Variants in NCOA4 observed in about 807,000 individuals in gnomAD.
The protein encoded by NCOA4 is 70 kDa AR-activator.
NCOA4 carries 31 observed loss-of-function variants against 69.5 expected under a neutral mutation model. The ratio of observed to expected loss-of-function variants is 0.45; its 90% CI spans 0.34 to 0.60. The LOEUF is 0.60. NCOA4 is among the 20% of genes least tolerant of loss of function. The pLI is 0.02. For synonymous variants in NCOA4, 228 were observed against 252.4 expected, an observed-to-expected ratio of 0.90 and a Z score of 0.92; for missense variants, 600 against 719.2, an observed-to-expected ratio of 0.83 and a Z score of 1.90.
intron 9 of NCOA4, chr10:46,009,064 T>C (rs1255056653): frequency 9.9e-6 from 11 of 1,106,262 alleles, no homozygotes; most frequent in African/African-American, 7.9e-5. Context: ...ACCAAAGTAT[T>C]TGTGTAGCTC....
chr10:46,010,140 C>G, intron 8 of NCOA4, 83 bp downstream of exon 8: 1 of 1,481,530 alleles, frequency 6.7e-7, no homozygotes, highest in Non-Finnish European at 8.9e-7. Flanking sequence ...TGCACTCCAG[C>G]CTGAGTGACA....
Position 46,016,648 on chromosome 10 carries a change from G to A in NCOA4, c.33C>T (p.Ser11=). The change falls in exon 2 of 10, where the codon TCC becomes TCT. Residue 11 remains serine, a synonymous_variant. Transcript: ENST00000581486. MNTFQDQSGS[S]SNREPLLRCS... is the part of the protein sequence containing the mutation. Reference sequence around the variant, plus strand: ...ACCTCAAAAGGGGTTCTCTATTACTGGAGCTGCCACTCTGGTCTTGGAAGG... The same window carrying A: ...ACCTCAAAAGGGGTTCTCTATTACTAGAGCTGCCACTCTGGTCTTGGAAGG... 6.5e-7 allele frequency: 1 copy of A among 1,529,748 alleles called. No individual in the cohort carries two copies. The highest frequency in any genetic ancestry group is 8.9e-7 in the Non-Finnish European group (1 of 1,128,234). The allele number at this position is 1,529,748 out of a possible 1,614,324, so 94.8% of individuals were successfully genotyped here.
At chr10:46,009,213 CTAGT>C (rs1289800614) in intron 9 of NCOA4, 194 bp downstream of exon 9, 33 of 1,548,684 alleles carry the variant, frequency 2.1e-5, no homozygotes, top group Middle Eastern at 1.7e-4. Flanking sequence ...TGAAGTATGC[CTAGT>C]TAGTTAATAA....
chr10:46,013,390 T>G (rs1839349951), intron 6 of NCOA4, among the ~76,000 whole-genome samples, 160 bp downstream of exon 6: 1 of 152,218 alleles, frequency 6.6e-6, no homozygotes, highest in African/African-American at 2.4e-5. Context: ...TAAATTTCTA[T>G]TTGGCATTAG....
intron 5 of NCOA4, among the ~76,000 whole-genome samples, chr10:46,014,165 T>G (rs1163807451): frequency 6.6e-6 from 1 of 152,088 alleles, no homozygotes; most frequent in African/African-American, 2.4e-5. Context: ...TAGCTGGGAT[T>G]ATAGGCGCCC....
chr10:46,021,759 A>C (rs1839882880), intron 1 of NCOA4, among the ~76,000 whole-genome samples: 1 of 152,190 alleles, frequency 6.6e-6, no homozygotes, highest in Non-Finnish European at 1.5e-5. Context: ...CAGGAGTTCG[A>C]GACCAGCCTG....
At chr10:46,023,740 A>G (rs1840024339) in intron 1 of NCOA4, among the ~76,000 whole-genome samples, 1 of 152,230 alleles carries the variant, frequency 6.6e-6, no homozygotes, top group African/African-American at 2.4e-5. Context: ...AGAATTATAT[A>G]TGAACTATAA....
Position 46,010,605 on chromosome 10 carries a change from T to C in NCOA4, c.1316A>G (p.Lys439Arg). The change falls in exon 8 of 10, where the codon AAA (lysine) becomes AGA (arginine). Residue 439 changes from lysine to arginine, a missense_variant. By Grantham distance (26) the Lys-to-Arg change is conservative (BLOSUM62 2). Coordinates refer to ENST00000581486, the MANE Select transcript of NCOA4 (RefSeq NM_001145263.2). ...KWLLKKEGKD[K>R]NGMPVEPKPE... The stretch of plus-strand genomic sequence containing the variant: ...TTTGGGTTCCACAGGCATCCCATTT[T>C]TATCCTTTCCTTCTTTCTTCAGAAG... 6.2e-7 allele frequency: 1 copy of C among 1,614,182 alleles called. No homozygotes were observed. Among genetic ancestry groups the C allele is most frequent in the Non-Finnish European group, 8.5e-7 (1 of 1,180,024 alleles).
rs1400852019 is a variant in NCOA4 at position 46,012,960 on chromosome 10, C to A, written c.637G>T (p.Gly213Cys). Residue 213 changes from glycine (G) to cysteine (C), a missense_variant, in exon 7 of 10, where the codon GGT becomes TGT. Gly to Cys is a radical substitution (Grantham distance 159). Coordinates refer to ENST00000581486, the MANE Select transcript of NCOA4 (RefSeq NM_001145263.2). ...CTGGGTATGTAAGGAGCTTGATAAC[C>A]ACTGGCAGGTTTGCTTCCAAGGAGC... Reference protein sequence around the residue: ...EWLLGSKPASGYQAPYIPSTD... With the variant: ...EWLLGSKPASCYQAPYIPSTD... 3 of 1,614,034 alleles carry A rather than the reference C, an allele frequency of 1.9e-6. No homozygotes were observed. Among genetic ancestry groups the A allele is most frequent in the African/African-American group, 1.3e-5 (1 of 74,896 alleles).
Position 46,025,790 on chromosome 10 carries a change from G to A in NCOA4, c.-15+4736C>T, listed in dbSNP as rs79629614. Among the ~76,000 whole-genome samples the A allele has an allele frequency of 2.0e-3, 298 of 152,282 alleles. 8 individuals carry two copies. The East Asian group carries it at 0.054, about 28-fold the overall frequency. On this transcript the variant is annotated intron_variant, in intron 1 of 9. Coordinates refer to ENST00000581486, the MANE Select transcript of NCOA4 (RefSeq NM_001145263.2). ...AATCTGTATGGGTTTCCGGCAGGAC[G>A]CCTGTAACATATGTTACCCTATTGT...
chr10:46,022,389 AT>A (rs1426822829), intron 1 of NCOA4: 5 of 448,704 alleles, frequency 1.1e-5, no homozygotes, highest in Non-Finnish European at 2.3e-5. Flanking sequence ...ATGTTAAAAA[AT>A]ATTTTGCAAT....
At chr10:46,030,313 G>T (rs1056892950) in intron 1 of NCOA4, among the ~76,000 whole-genome samples, 3 of 151,276 alleles carry the variant, frequency 2.0e-5, no homozygotes, top group Non-Finnish European at 3.0e-5. Context: ...GAGAACGTAG[G>T]CCCGGGCCCG....
intron 1 of NCOA4, among the ~76,000 whole-genome samples, chr10:46,021,163 G>A (rs1024353950): frequency 3.9e-5 from 6 of 152,148 alleles, no homozygotes; most frequent in Admixed American, 3.9e-4. Context: ...AAATGAAGTG[G>A]TTATGTAATG....
At chr10:46,006,647 G>A (rs1554919859) in intron 9 of NCOA4, 50 bp from the exon 10 acceptor site, 5 of 1,600,416 alleles carry the variant, frequency 3.1e-6, no homozygotes, top group African/African-American at 1.3e-5. Context: ...AAGAATAAAA[G>A]CAAATTTTCC....
chr10:46,008,993 CAT>C (rs1446907050), intron 9 of NCOA4: 2 of 594,614 alleles, frequency 3.4e-6, no homozygotes, highest in Non-Finnish European at 5.9e-6. Flanking sequence ...CTTCTTAAGA[CAT>C]AATGTTATTG....
In NCOA4 at chr10:46,009,392, G is replaced by A. The variant is rs1839061902; in HGVS notation, c.1839+19C>T. On this transcript the variant is annotated intron_variant, in intron 9 of 9. Transcript: ENST00000581486. ...TAAATAGCTATAATCTAATTTTCATGCTGGTGGCATGTACCCACCTGTAGA... is the reference window on the plus strand; with the variant it reads ...TAAATAGCTATAATCTAATTTTCATACTGGTGGCATGTACCCACCTGTAGA... The A allele has an allele frequency of 6.3e-7, 1 of 1,596,492 alleles. No homozygotes were observed. The highest frequency in any genetic ancestry group is 1.4e-5 in the African/African-American group (1 of 73,842).
intron 2 of NCOA4, 24 bp from the exon 3 acceptor site, chr10:46,015,290 T>G: frequency 6.6e-7 from 1 of 1,516,912 alleles, no homozygotes; most frequent in Non-Finnish European, 8.9e-7. Context: ...ACATGTTAGC[T>G]TCCTAGTGTT....
At chr10:46,007,204 G>A (rs1468852885) in intron 9 of NCOA4, among the ~76,000 whole-genome samples, 1 of 152,138 alleles carries the variant, frequency 6.6e-6, no homozygotes, top group Non-Finnish European at 1.5e-5. Flanking sequence ...GGTCTCTATA[G>A]GAGATCAAAC....
intron 7 of NCOA4, among the ~76,000 whole-genome samples, chr10:46,012,094 A>AC (rs1839262419): frequency 6.8e-6 from 1 of 147,792 alleles, no homozygotes; most frequent in Non-Finnish European, 1.5e-5. Flanking sequence ...AAAAAAAAAA[A>AC]AAAAAAAAAC....
Sources: gnomAD v4.1 joint callset for allele counts (sites outside exome capture counted in the v4.1 genomes callset) on GRCh38, gnomAD v4.1.1 for gene constraint, MANE v1.5 for transcripts, NCBI Gene and HGNC (gene_info 2026-07-23, HGNC 2026-07-21) for gene names.